Variants in UNC5C observed in about 807,000 individuals in gnomAD.
The protein encoded by UNC5C is unc-5 netrin receptor C.
A neutral mutation model predicts 99.8 loss-of-function variants in UNC5C; 47 were observed. The ratio of observed to expected loss-of-function variants is 0.47; its 90% CI spans 0.37 to 0.60. UNC5C has a LOEUF of 0.60. Ranked by LOEUF, UNC5C falls within the 20% of genes least tolerant of loss-of-function variation. The pLI, the probability that UNC5C is intolerant of heterozygous loss-of-function variation, is 0.00. For synonymous variants in UNC5C, 487 were observed against 452.2 expected, an observed-to-expected ratio of 1.08 and a Z score of -0.98; for missense variants, 1,062 against 1,165.9, an observed-to-expected ratio of 0.91 and a Z score of 1.30.
At chr4:95,483,432 C>T (rs1721229420) in intron 1 of UNC5C, among the ~76,000 whole-genome samples, 1 of 151,752 alleles carries the variant, frequency 6.6e-6, no homozygotes, top group African/African-American at 2.4e-5. Context: ...TTTTCATCTG[C>T]TTTTCATGTT....
At chr4:95,248,687 CCTAT>C in intron 5 of UNC5C, 1 of 416,478 alleles carries the variant, frequency 2.4e-6, no homozygotes, top group East Asian at 7.2e-5. Flanking sequence ...CTCCTTCAGT[CCTAT>C]CATGTACCCC....
chr4:95,256,714 A>ATAAATATATATATATATATATATATG (rs70946602), intron 4 of UNC5C, among the ~76,000 whole-genome samples: 2 of 127,300 alleles, frequency 1.6e-5, no homozygotes, highest in Admixed American at 7.8e-5. Flanking sequence ...ATATATATAT[A>ATAAATATATATATATATATATATATG]TATATATGAG....
chr4:95,404,716 G>A (rs1262639737), intron 1 of UNC5C, among the ~76,000 whole-genome samples: 1 of 152,166 alleles, frequency 6.6e-6, no homozygotes, highest in Non-Finnish European at 1.5e-5. Context: ...GGCCCTAAAT[G>A]AGAACAGGAA....
chr4:95,323,824 T>C (rs1473353967), intron 2 of UNC5C, among the ~76,000 whole-genome samples: 1 of 152,150 alleles, frequency 6.6e-6, no homozygotes, highest in Non-Finnish European at 1.5e-5. Flanking sequence ...GATCACGAAG[T>C]CAGGAGTTCA....
At chr4:95,367,030 A>G (rs1051676328) in intron 1 of UNC5C, among the ~76,000 whole-genome samples, 1 of 152,126 alleles carries the variant, frequency 6.6e-6, no homozygotes, top group Non-Finnish European at 1.5e-5. Flanking sequence ...GTATCATTTC[A>G]TCTTCACTAA....
chr4:95,306,987 C>T (rs1355132165), intron 2 of UNC5C, among the ~76,000 whole-genome samples: 1 of 152,150 alleles, frequency 6.6e-6, no homozygotes, highest in African/African-American at 2.4e-5. Flanking sequence ...AAATATGAAA[C>T]ATATCAGTTC....
In UNC5C at chr4:95,170,345, G is replaced by A. The variant is rs915371905; in HGVS notation, c.2452-13C>T. ...TGCCAGTAGGTTCCTGTAGTTCAGG[G>A]ACAGGAACAACACAGCATTATTTCT... On this transcript the variant is annotated splice_polypyrimidine_tract_variant and intron_variant, in intron 14 of 15. Transcript: ENST00000453304. 1 of 1,612,956 alleles carries A rather than the reference G, an allele frequency of 6.2e-7. No homozygotes were observed. The highest frequency in any genetic ancestry group is 1.3e-5 in the African/African-American group (1 of 75,016).
chr4:95,197,556 G>A (rs954124673), intron 12 of UNC5C, among the ~76,000 whole-genome samples: 3 of 152,062 alleles, frequency 2.0e-5, no homozygotes, highest in African/African-American at 7.2e-5. Context: ...GTAGAGGACC[G>A]CAGCTGGGGG....
intron 7 of UNC5C, among the ~76,000 whole-genome samples, chr4:95,224,820 T>C (rs1413495628): frequency 6.6e-6 from 1 of 150,538 alleles, no homozygotes; most frequent in Non-Finnish European, 1.5e-5. Flanking sequence ...TTTGGAGATA[T>C]CAGGATGGCC....
intron 1 of UNC5C, among the ~76,000 whole-genome samples, chr4:95,541,969 G>A (rs1368347692): frequency 3.3e-5 from 5 of 152,060 alleles, no homozygotes; most frequent in South Asian, 2.1e-4. Context: ...GTTTCACATC[G>A]TCAGTTAGAA....
In UNC5C at chr4:95,202,813, G is replaced by A; in HGVS notation, c.2054C>T (p.Ala685Val). 1 of 1,614,246 alleles carries A rather than the reference G, an allele frequency of 6.2e-7. No homozygotes were observed. Among genetic ancestry groups the A allele is most frequent in the Non-Finnish European group, 8.5e-7 (1 of 1,180,046 alleles). Residue 685 changes from alanine to valine, a missense_variant, in exon 12 of 16, where the codon GCC becomes GTC. Coordinates refer to ENST00000453304, the MANE Select transcript of UNC5C (RefSeq NM_003728.4). ...GGAGCAGCACAGGGGCCCAAAGATG[G>A]CCAGCTTGAGGCGCTTCGCAGCCGC... ...TKAAAKRLKLAIFGPLCCSSL... is the reference protein window; with the variant it reads ...TKAAAKRLKLVIFGPLCCSSL...
chr4:95,393,872 A>T (rs80262588), intron 1 of UNC5C, among the ~76,000 whole-genome samples: 1 of 150,478 alleles, frequency 6.6e-6, no homozygotes, highest in African/African-American at 2.5e-5. Context: ...TTAAAAAAAA[A>T]CAGATTGCTA....
intron 4 of UNC5C, among the ~76,000 whole-genome samples, chr4:95,256,375 G>C (rs995722682): frequency 2.0e-5 from 3 of 151,972 alleles, no homozygotes; most frequent in African/African-American, 7.2e-5. Context: ...CTCACTTAAT[G>C]CCAACTGTAG....
At chr4:95,477,452 G>T (rs1045188009) in intron 1 of UNC5C, among the ~76,000 whole-genome samples, 1 of 152,144 alleles carries the variant, frequency 6.6e-6, no homozygotes, top group Non-Finnish European at 1.5e-5. Flanking sequence ...GAAAGGGCCA[G>T]CTCTGTGAAA....
At chr4:95,473,948 T>G (rs1254122794) in intron 1 of UNC5C, among the ~76,000 whole-genome samples, 2 of 152,214 alleles carry the variant, frequency 1.3e-5, no homozygotes, top group East Asian at 3.9e-4. Context: ...CCTTCTAACA[T>G]TGGTAAGCTA....
intron 1 of UNC5C, among the ~76,000 whole-genome samples, chr4:95,474,647 A>G (rs145753544): frequency 1.4e-4 from 22 of 152,270 alleles, no homozygotes; most frequent in African/African-American, 5.3e-4. Context: ...TACCTTTGGG[A>G]CCAGATAATG....
At chr4:95,239,626 G>A (rs546661552) in intron 7 of UNC5C, among the ~76,000 whole-genome samples, 1 of 152,062 alleles carries the variant, frequency 6.6e-6, no homozygotes, top group African/African-American at 2.4e-5. Flanking sequence ...GGCATTTGAG[G>A]ATTTCTCTAA....
At chr4:95,182,295 C>G (rs1171319141) in intron 14 of UNC5C, among the ~76,000 whole-genome samples, 1 of 151,898 alleles carries the variant, frequency 6.6e-6, no homozygotes, top group Non-Finnish European at 1.5e-5. Context: ...GGAGATTCTA[C>G]TTCTATTTGT....
intron 1 of UNC5C, among the ~76,000 whole-genome samples, chr4:95,414,628 G>C (rs1446199156): frequency 1.3e-5 from 2 of 152,202 alleles, no homozygotes; most frequent in African/African-American, 4.8e-5. Context: ...ACTTCGTGAT[G>C]TCAGCTTTCT....
Sources: allele counts gnomAD v4.1 joint callset (sites outside exome capture counted in the v4.1 genomes callset), GRCh38; gene constraint gnomAD v4.1.1; transcripts MANE v1.5; gene names NCBI Gene and HGNC (gene_info 2026-07-23, HGNC 2026-07-21).